The following SLC4A10 variants were observed in gnomAD, a reference collection of about 807,000 sequenced individuals.
The protein encoded by SLC4A10 is solute carrier family 4 member 10, also known as sodium-driven chloride bicarbonate exchanger.
A neutral mutation model predicts 137.7 loss-of-function variants in SLC4A10; 42 were observed. That is an observed-to-expected ratio of 0.30 (90% CI 0.24 to 0.39). The LOEUF is 0.39. SLC4A10 is among the 10% of genes least tolerant of loss of function. The probability of loss-of-function intolerance (pLI) is 1.00; values close to 1 mark genes in which losing one functional copy is unlikely to be tolerated. For synonymous variants in SLC4A10, 474 were observed against 464.1 expected (o/e 1.02, Z -0.27); for missense variants, 925 against 1,355.0 (o/e 0.68, Z 4.98).
At chr2:161,868,372 A>C (rs926203579) in intron 6 of SLC4A10, among the ~76,000 whole-genome samples, 1 of 151,768 alleles carries the variant, frequency 6.6e-6, no homozygotes, top group Non-Finnish European at 1.5e-5. Flanking sequence ...CAATACACTT[A>C]GTGAAAAATT....
chr2:161,782,481 G>A (rs145135199), intron 2 of SLC4A10, among the ~76,000 whole-genome samples: 257 of 151,712 alleles, frequency 1.7e-3, no homozygotes, highest in Middle Eastern at 3.4e-3. Context: ...ACAGGAAAAT[G>A]TGTTCCAAAC....
At chr2:161,875,909 T>C (rs2061424338) in intron 8 of SLC4A10, among the ~76,000 whole-genome samples, 1 of 152,156 alleles carries the variant, frequency 6.6e-6, no homozygotes, top group African/African-American at 2.4e-5. Context: ...CCTATGAAGT[T>C]TCTTGTACTT....
intron 15 of SLC4A10, among the ~76,000 whole-genome samples, chr2:161,914,587 G>A (rs1443925608): frequency 6.6e-6 from 1 of 151,946 alleles, no homozygotes; most frequent in Non-Finnish European, 1.5e-5. Context: ...ATCAATAGGA[G>A]GCTAATTTTA....
chr2:161,822,381 T>A (rs1049769930), intron 3 of SLC4A10, among the ~76,000 whole-genome samples: 3 of 152,194 alleles, frequency 2.0e-5, no homozygotes, highest in African/African-American at 7.2e-5. Context: ...GATTGGGTAG[T>A]CAGAACTGGT....
At chr2:161,963,213 C>CA (rs1192148104) in intron 21 of SLC4A10, among the ~76,000 whole-genome samples, 1 of 151,108 alleles carries the variant, frequency 6.6e-6, no homozygotes, top group African/African-American at 2.4e-5. Flanking sequence ...TTATAAAATT[C>CA]AAAAAAAGAA....
chr2:161,905,406 A>G (rs1575570822), intron 14 of SLC4A10, among the ~76,000 whole-genome samples: 1 of 152,204 alleles, frequency 6.6e-6, no homozygotes, highest in African/African-American at 2.4e-5. Flanking sequence ...GTCTGAGCTC[A>G]GGCGGTAATG....
intron 18 of SLC4A10, among the ~76,000 whole-genome samples, chr2:161,950,239 T>C (rs1005753745): frequency 2.0e-5 from 3 of 152,148 alleles, no homozygotes; most frequent in African/African-American, 4.8e-5. Context: ...TCTTTGTATC[T>C]CAGTTCTAGC....
intron 3 of SLC4A10, among the ~76,000 whole-genome samples, chr2:161,818,052 T>C (rs1395620245): frequency 3.9e-5 from 6 of 152,178 alleles, no homozygotes; most frequent in Admixed American, 3.9e-4. Flanking sequence ...TGGTATTGAA[T>C]CTATAAATTA....
At chr2:161,715,085 T>C (rs1215222491) in intron 1 of SLC4A10, among the ~76,000 whole-genome samples, 1 of 151,924 alleles carries the variant, frequency 6.6e-6, no homozygotes, top group African/African-American at 2.4e-5. Flanking sequence ...CTTAAGTATA[T>C]ATAGTATACT....
intron 4 of SLC4A10, among the ~76,000 whole-genome samples, chr2:161,851,045 A>G (rs558373054): frequency 6.0e-4 from 92 of 152,136 alleles, no homozygotes; most frequent in Non-Finnish European, 7.8e-4. Context: ...ATATTGATTT[A>G]TATTTTTACT....
chr2:161,709,341 G>A (rs2044037309), intron 1 of SLC4A10, among the ~76,000 whole-genome samples: 1 of 151,612 alleles, frequency 6.6e-6, no homozygotes, highest in Non-Finnish European at 1.5e-5. Flanking sequence ...AGGAAGTTTG[G>A]TGAATAGAAT....
chr2:161,815,778 A>C, intron 3 of SLC4A10, among the ~76,000 whole-genome samples: 1 of 152,130 alleles, frequency 6.6e-6, no homozygotes, highest in Admixed American at 6.6e-5. Flanking sequence ...ACCAAGAATC[A>C]GATTCTGAGA....
chr2:161,838,890 G>C (rs1432078202), intron 3 of SLC4A10, among the ~76,000 whole-genome samples: 18 of 152,196 alleles, frequency 1.2e-4, no homozygotes, highest in Admixed American at 4.6e-4. Flanking sequence ...AGCCATTCTG[G>C]AAAGCAGTTT....
chr2:161,961,694 C>T (rs1490910803), intron 21 of SLC4A10, among the ~76,000 whole-genome samples: 1 of 151,988 alleles, frequency 6.6e-6, no homozygotes, highest in African/African-American at 2.4e-5. Flanking sequence ...TGATAGGTTT[C>T]AACAGATTTT....
At chr2:161,776,544 C>A (rs1054562928) in intron 2 of SLC4A10, among the ~76,000 whole-genome samples, 2 of 151,850 alleles carry the variant, frequency 1.3e-5, no homozygotes, top group African/African-American at 4.8e-5. Flanking sequence ...AGAATTTTCT[C>A]CTTTTTTAAA....
At chr2:161,751,596 T>A (rs2048986288) in intron 1 of SLC4A10, among the ~76,000 whole-genome samples, 1 of 151,854 alleles carries the variant, frequency 6.6e-6, no homozygotes, top group Admixed American at 6.6e-5. Flanking sequence ...TATATAGATA[T>A]TTATTGAGTA....
At chr2:161,770,911 G>C (rs1295127260) in intron 1 of SLC4A10, 62 bp from the exon 2 acceptor site, 21 of 1,233,898 alleles carry the variant, frequency 1.7e-5, no homozygotes, top group Admixed American at 4.3e-5. Flanking sequence ...ATCAAGGTTT[G>C]TTTTTTGAAA....
At chr2:161,669,379 A>T (rs1461336741) in intron 1 of SLC4A10, among the ~76,000 whole-genome samples, 1 of 151,828 alleles carries the variant, frequency 6.6e-6, no homozygotes, top group Non-Finnish European at 1.5e-5. Context: ...AGACACACAC[A>T]CATACAGACG....
At chr2:161,912,072 T>C (rs1685991289) in intron 15 of SLC4A10, among the ~76,000 whole-genome samples, 1 of 152,104 alleles carries the variant, frequency 6.6e-6, no homozygotes, top group African/African-American at 2.4e-5. Context: ...ATTCTCACTG[T>C]CCCTAATGAA....
Sources: gnomAD v4.1 joint callset for allele counts (sites outside exome capture counted in the v4.1 genomes callset) on GRCh38, gnomAD v4.1.1 for gene constraint, MANE v1.5 for transcripts, NCBI Gene and HGNC (gene_info 2026-07-23, HGNC 2026-07-21) for gene names.